Variants in EML5 observed in about 807,000 individuals in gnomAD.
EML5 encodes the protein EMAP like 5.
EML5 carries 120 observed loss-of-function variants against 250.0 expected under a neutral mutation model. The observed-to-expected ratio is 0.48, with a 90% CI of 0.41 to 0.56. EML5 has a LOEUF of 0.56. EML5 is among the 20% of genes least tolerant of loss of function. EML5 has a pLI of 0.00. For synonymous variants in EML5, 771 were observed against 806.5 expected (o/e 0.96, Z 0.75); for missense variants, 2,006 against 2,437.6 (o/e 0.82, Z 3.73).
At chr14:88,689,285 A>G (rs2092905948) in intron 17 of EML5, among the ~76,000 whole-genome samples, 1 of 152,080 alleles carries the variant, frequency 6.6e-6, no homozygotes, top group Non-Finnish European at 1.5e-5. Flanking sequence ...TATAGATCAG[A>G]GAGGTATCAG....
In EML5 at chr14:88,792,552, G is replaced by C. The variant is rs1255502147; in HGVS notation, c.-49C>G. On this transcript the variant is annotated 5_prime_UTR_variant, in exon 1 of 44. Coordinates refer to ENST00000554922, the MANE Select transcript of EML5 (RefSeq NM_183387.3). This position sits in a 1 kb window ranked among gnomAD's most constrained non-coding sequence, Gnocchi z 6.9. ...CCGCTCGGGCCCGCGGCGGCGACGG[G>C]AGGCGGCGGCGGCCCGGCAACGAAA... The C allele has an allele frequency of 1.9e-5, 23 of 1,224,906 alleles. No individual in the cohort carries two copies. Among genetic ancestry groups the C allele is most frequent in the Non-Finnish European group, 2.4e-5 (23 of 977,968 alleles). The allele number at this position is 1,224,906 out of a possible 1,614,324, so 75.9% of individuals were successfully genotyped here. A position where few individuals can be genotyped will look rare whatever the true frequency, so the allele number is the denominator to read the frequency against.
At chr14:88,669,643 C>A (rs1474714702) in intron 21 of EML5, among the ~76,000 whole-genome samples, 1 of 152,184 alleles carries the variant, frequency 6.6e-6, no homozygotes, top group Non-Finnish European at 1.5e-5. Context: ...CATGGATCAG[C>A]AGACTTAGTC....
rs373043769 is a variant in EML5, at chr14:88,775,133, C to G, written c.197+17174G>C. On this transcript the variant is annotated intron_variant, in intron 1 of 43. Coordinates refer to ENST00000554922, the MANE Select transcript of EML5 (RefSeq NM_183387.3). ...CAATACCCGGGTACTATGTCAAGGG[C>G]CTTAAGTGAGCCTCTGAGGCTTGCT... is the stretch of plus-strand genomic sequence containing the variant. Among the ~76,000 whole-genome samples, 30 of 151,800 alleles carry G rather than the reference C, an allele frequency of 2.0e-4. No homozygotes were observed. The East Asian group carries it at 5.5e-3, about 28-fold the overall frequency.
intron 3 of EML5, 113 bp from the exon 4 acceptor site, chr14:88,744,204 AAAT>A: frequency 1.8e-6 from 1 of 547,024 alleles, no homozygotes; most frequent in Non-Finnish European, 3.0e-6. Flanking sequence ...ATTCCTCAAT[AAAT>A]AATAATCAAC....
At chr14:88,660,467 G>A (rs1567079682) in intron 25 of EML5, among the ~76,000 whole-genome samples, 1 of 152,078 alleles carries the variant, frequency 6.6e-6, no homozygotes, top group East Asian at 1.9e-4. Flanking sequence ...TGTTGGCGAG[G>A]CCCAGTGGCT....
chr14:88,789,262 G>T (rs1436778747), intron 1 of EML5, among the ~76,000 whole-genome samples: 2 of 151,976 alleles, frequency 1.3e-5, no homozygotes, highest in African/African-American at 4.8e-5. Context: ...AGAATAACTG[G>T]AGAATTTTAT....
chr14:88,700,511 A>G (rs2141402976), intron 14 of EML5, among the ~76,000 whole-genome samples: 1 of 152,296 alleles, frequency 6.6e-6, no homozygotes, highest in Non-Finnish European at 1.5e-5. Context: ...AAAATTTCCA[A>G]TCAAGGAATT....
At chr14:88,653,841 C>G (rs1224960364) in intron 27 of EML5, among the ~76,000 whole-genome samples, 3 of 152,110 alleles carry the variant, frequency 2.0e-5, no homozygotes, top group African/African-American at 7.2e-5. Context: ...CTCTCTTTTT[C>G]TATTGTTTGG....
chr14:88,648,706 T>G (rs571299152), intron 28 of EML5, among the ~76,000 whole-genome samples: 1 of 152,214 alleles, frequency 6.6e-6, no homozygotes, highest in East Asian at 1.9e-4. Context: ...CTTCCTCCTG[T>G]GCTTTCTTCT....
chr14:88,744,798 C>CT (rs940453814), intron 3 of EML5, among the ~76,000 whole-genome samples: 14 of 151,914 alleles, frequency 9.2e-5, no homozygotes, highest in Admixed American at 7.9e-4. Context: ...TCTTTGACAC[C>CT]TTATCAACCT....
intron 20 of EML5, among the ~76,000 whole-genome samples, chr14:88,683,927 A>T (rs999292345): frequency 1.3e-5 from 2 of 152,144 alleles, no homozygotes; most frequent in Non-Finnish European, 2.9e-5. Context: ...CTCACCACTT[A>T]CATTTAACAA....
intron 20 of EML5, 105 bp from the exon 21 acceptor site, chr14:88,682,136 G>T: frequency 8.4e-7 from 1 of 1,189,876 alleles, no homozygotes; most frequent in Non-Finnish European, 1.1e-6. Flanking sequence ...TATGATAATA[G>T]GATACCGAAT....
intron 1 of EML5, among the ~76,000 whole-genome samples, chr14:88,754,895 G>A (rs1053372928): frequency 1.3e-5 from 2 of 152,052 alleles, no homozygotes; most frequent in South Asian, 2.1e-4. Context: ...CCTCCATCCC[G>A]CCAAGTTCAA....
chr14:88,638,884 G>C lies in EML5; in HGVS notation c.4261C>G (p.His1421Asp), dbSNP rs1348540920. The change falls in exon 32 of 44, where the codon CAT (histidine) becomes GAT (aspartate). Residue 1421 changes from histidine to aspartate, a missense_variant. By Grantham distance (81) the His-to-Asp change is moderately conservative (BLOSUM62 -1). Transcript: ENST00000554922. ...ATGSQSFYQE[H>D]NDDILCLTVN... Reference sequence around the variant, plus strand: ...GTGAGGCACAGAATATCATCATTATGTTCCTGATAAAAACTCTGAGAACCT... The same window carrying C: ...GTGAGGCACAGAATATCATCATTATCTTCCTGATAAAAACTCTGAGAACCT... 6.3e-7 allele frequency: 1 copy of C among 1,588,124 alleles called. No homozygotes were observed. The highest frequency in any genetic ancestry group is 1.2e-5 in the South Asian group (1 of 85,656).
At chr14:88,775,837 C>A (rs2094441894) in intron 1 of EML5, among the ~76,000 whole-genome samples, 1 of 152,184 alleles carries the variant, frequency 6.6e-6, no homozygotes, top group African/African-American at 2.4e-5. Flanking sequence ...AGGTCTGACC[C>A]AGCACCATCA....
intron 31 of EML5, among the ~76,000 whole-genome samples, chr14:88,639,426 G>C (rs2090933686): frequency 6.6e-6 from 1 of 152,192 alleles, no homozygotes; most frequent in Admixed American, 6.5e-5. Flanking sequence ...GGAGGATTTT[G>C]AGTGTCAGCC....
At position 88,618,721 on chromosome 14, in the gene EML5, T is replaced by C. The variant is rs1371669743; in HGVS notation, c.5467A>G (p.Ile1823Val). Residue 1823 changes from isoleucine to valine, a missense_variant, in exon 40 of 44, where the codon ATC becomes GTC. Ile to Val is a conservative substitution (Grantham distance 29). This residue lies in a region of EML5 where 405 missense variants were observed against 523.3 expected (regional missense o/e 0.77). Transcript: ENST00000554922. ...DLTLGPTLNR[I>V]SYCKDIPSFV... ...CTTGGAATGTCTTTGCAGTAGCTGATTCTGTTAAGAGTGGGGCCCAGCGTT... is the reference window on the plus strand; with the variant it reads ...CTTGGAATGTCTTTGCAGTAGCTGACTCTGTTAAGAGTGGGGCCCAGCGTT... The C allele has an allele frequency of 5.0e-6, 8 of 1,610,682 alleles. No individual in the cohort carries two copies. The highest frequency in any genetic ancestry group is 1.1e-5 in the South Asian group (1 of 90,232).
chr14:88,775,125 G>T (rs2140667521), intron 1 of EML5, among the ~76,000 whole-genome samples: 1 of 151,446 alleles, frequency 6.6e-6, no homozygotes, highest in South Asian at 2.1e-4. Flanking sequence ...CGGGTACTAT[G>T]TCAAGGGCCT....
At chr14:88,732,675 G>T (rs149185919) in intron 7 of EML5, among the ~76,000 whole-genome samples, 60 of 152,222 alleles carry the variant, frequency 3.9e-4, no homozygotes, top group Middle Eastern at 3.4e-3. Context: ...TCAGTTCTGT[G>T]AATTTTTGCC....
Sources: allele counts gnomAD v4.1 joint callset (sites outside exome capture counted in the v4.1 genomes callset), GRCh38; gene constraint gnomAD v4.1.1; regional missense constraint gnomAD v4.1.1; non-coding constraint Gnocchi (gnomAD v3.1); transcripts MANE v1.5; gene names NCBI Gene and HGNC (gene_info 2026-07-23, HGNC 2026-07-21).